The following DLG2 variants were observed in gnomAD, a reference collection of about 807,000 sequenced individuals.
The protein encoded by DLG2 is discs large MAGUK scaffold protein 2, also known as disks large homolog 2.
In DLG2, 45 loss-of-function variants were observed where a neutral mutation model predicts 132.5. The observed-to-expected ratio is 0.34, with a 90% CI of 0.27 to 0.44. DLG2 has a LOEUF of 0.44. DLG2 is among the 20% of genes least tolerant of loss of function. DLG2 has a pLI of 1.00. For missense variants in DLG2, 1,045 were observed against 1,196.9 expected (o/e 0.87, Z 1.87); for synonymous variants, 424 against 419.6 (o/e 1.01, Z -0.13).
At chr11:85,121,620 G>A (rs1280882526) in intron 5 of DLG2, among the ~76,000 whole-genome samples, 2 of 151,922 alleles carry the variant, frequency 1.3e-5, no homozygotes, top group African/African-American at 4.8e-5. Flanking sequence ...GTTTATCATA[G>A]ATGTGATTCA....
intron 3 of DLG2, among the ~76,000 whole-genome samples, chr11:85,378,919 T>C (rs918421167): frequency 6.6e-6 from 1 of 152,176 alleles, no homozygotes; most frequent in Non-Finnish European, 1.5e-5. Context: ...CATAAATTTC[T>C]AAGTACCACT....
chr11:85,090,834 A>G (rs1433122550), intron 6 of DLG2, among the ~76,000 whole-genome samples: 1 of 152,194 alleles, frequency 6.6e-6, no homozygotes, highest in African/African-American at 2.4e-5. Context: ...AGTAATTTAT[A>G]AAGAAAAAAA....
intron 15 of DLG2, among the ~76,000 whole-genome samples, chr11:83,893,843 G>T (rs1026536361): frequency 6.6e-6 from 1 of 152,064 alleles, no homozygotes; most frequent in Non-Finnish European, 1.5e-5. Flanking sequence ...CCACTGCCTT[G>T]GTTCTTTGAA....
intron 18 of DLG2, among the ~76,000 whole-genome samples, chr11:83,711,550 A>G (rs984306763): frequency 6.6e-6 from 1 of 152,180 alleles, no homozygotes; most frequent in Non-Finnish European, 1.5e-5. Flanking sequence ...CTGAAGTAAC[A>G]CACTTGGCAC....
intron 11 of DLG2, among the ~76,000 whole-genome samples, chr11:84,001,278 T>C (rs1029647185): frequency 4.2e-5 from 6 of 143,632 alleles, no homozygotes; most frequent in Admixed American, 1.4e-4. Context: ...AAACCAAAAG[T>C]GAGTAAGAGT....
chr11:85,419,447 T>A (rs941278181), intron 3 of DLG2, among the ~76,000 whole-genome samples: 1 of 152,212 alleles, frequency 6.6e-6, no homozygotes, highest in Non-Finnish European at 1.5e-5. Context: ...GTTCTCTGTA[T>A]TTCCTGAATT....
intron 19 of DLG2, among the ~76,000 whole-genome samples, chr11:83,560,092 A>C (rs1321691498): frequency 6.6e-6 from 1 of 151,318 alleles, no homozygotes; most frequent in African/African-American, 2.4e-5. Flanking sequence ...AATGAAAGAG[A>C]GGGGAAGGAT....
chr11:84,150,034 G>A (rs572048883), intron 9 of DLG2, among the ~76,000 whole-genome samples: 33 of 152,264 alleles, frequency 2.2e-4, no homozygotes, highest in African/African-American at 7.2e-4. Context: ...GGGGTTACAG[G>A]TGTGAGCCAC....
rs184507822 is a variant in DLG2, at chr11:84,002,229, C to T, written c.920-21587G>A. 8.7e-4 allele frequency among the ~76,000 whole-genome samples: 133 copies of T among 152,240 alleles called. 1 individual carries two copies. The highest frequency in any genetic ancestry group is 3.0e-3 in the African/African-American group (125 of 41,562). ...TCAGAAAAGAAAGAGGAGACACGAC[C>T]ATTGATACATGCATTAGTCTGTTTT... On this transcript the variant is annotated intron_variant, in intron 11 of 27. Coordinates refer to ENST00000376104, the MANE Select transcript of DLG2 (RefSeq NM_001142699.3).
chr11:85,454,689 A>G (rs542744516), intron 3 of DLG2, among the ~76,000 whole-genome samples: 1 of 152,138 alleles, frequency 6.6e-6, no homozygotes, highest in Non-Finnish European at 1.5e-5. Flanking sequence ...TCTTTAATAC[A>G]TCTTCAGTTG....
chr11:83,880,434 G>A (rs1317057829), intron 15 of DLG2, among the ~76,000 whole-genome samples: 1 of 152,110 alleles, frequency 6.6e-6, no homozygotes, highest in East Asian at 1.9e-4. Flanking sequence ...TAATAAGAAG[G>A]AGCTAAGGAG....
At chr11:84,040,009 A>G (rs1159678012) in intron 11 of DLG2, among the ~76,000 whole-genome samples, 1 of 150,902 alleles carries the variant, frequency 6.6e-6, no homozygotes, top group Non-Finnish European at 1.5e-5. Context: ...TTGGCTGCAT[A>G]AATGTCTTCT....
At chr11:85,505,794 G>C (rs930614228) in intron 3 of DLG2, among the ~76,000 whole-genome samples, 2 of 152,204 alleles carry the variant, frequency 1.3e-5, no homozygotes, top group Admixed American at 1.3e-4. Flanking sequence ...AGAAGGAATG[G>C]TACTAGCTCC....
intron 21 of DLG2, among the ~76,000 whole-genome samples, chr11:83,508,509 C>T: frequency 6.7e-6 from 1 of 149,646 alleles, no homozygotes; most frequent in African/African-American, 2.5e-5. Context: ...TCCCAAAGTG[C>T]TGGGATTACA....
intron 7 of DLG2, among the ~76,000 whole-genome samples, chr11:84,477,106 G>C (rs1337864712): frequency 6.6e-6 from 1 of 152,068 alleles, no homozygotes; most frequent in Non-Finnish European, 1.5e-5. Context: ...ATGAATAAAA[G>C]AAGCCCAATA....
At chr11:83,779,917 T>G (rs1026060345) in intron 18 of DLG2, among the ~76,000 whole-genome samples, 28 of 152,156 alleles carry the variant, frequency 1.8e-4, no homozygotes, top group Non-Finnish European at 8.8e-5. Context: ...CTCACCTAAG[T>G]TGGAATTTGC....
chr11:84,115,865 G>C (rs2093611486), intron 9 of DLG2, among the ~76,000 whole-genome samples: 1 of 152,140 alleles, frequency 6.6e-6, no homozygotes, highest in Admixed American at 6.5e-5. Context: ...TAGAGTATAA[G>C]CTCCAGGAGG....
At chr11:83,494,807 G>T (rs1243188503) in intron 21 of DLG2, among the ~76,000 whole-genome samples, 1 of 151,948 alleles carries the variant, frequency 6.6e-6, no homozygotes, top group Non-Finnish European at 1.5e-5. Context: ...TAAAGAAAAG[G>T]AATTTTATTG....
chr11:85,306,205 C>A (rs1374411620), intron 3 of DLG2, among the ~76,000 whole-genome samples: 1 of 152,180 alleles, frequency 6.6e-6, no homozygotes, highest in African/African-American at 2.4e-5. Context: ...CTGGTTTCAG[C>A]CTCATCTGCA....
Sources: allele counts gnomAD v4.1 joint callset (sites outside exome capture counted in the v4.1 genomes callset), GRCh38; gene constraint gnomAD v4.1.1; transcripts MANE v1.5; gene names NCBI Gene and HGNC (gene_info 2026-07-23, HGNC 2026-07-21).